Variants in RALGAPA1 observed in about 807,000 individuals in gnomAD.
RALGAPA1 encodes the protein ral GTPase-activating protein subunit alpha-1.
In RALGAPA1, 52 loss-of-function variants were observed where a neutral mutation model predicts 269.6. The observed-to-expected ratio is 0.19, with a 90% confidence interval of 0.15 to 0.24. RALGAPA1 has a LOEUF of 0.24. Among genes scored for constraint, RALGAPA1 ranks in the 10% least tolerant of loss-of-function variants. RALGAPA1 has a pLI of 1.00. For synonymous variants in RALGAPA1, 817 were observed against 1,008.3 expected, an observed-to-expected ratio of 0.81 and a Z score of 3.60; for missense variants, 1,917 against 3,013.9, an observed-to-expected ratio of 0.64 and a Z score of 8.52.
Position 35,742,406 on chromosome 14 carries a change from G to C in RALGAPA1, c.1411C>G (p.His471Asp), listed in dbSNP as rs781173427. The C allele has an allele frequency of 5.4e-5, 87 of 1,602,514 alleles. No individual in the cohort carries two copies. Among genetic ancestry groups the C allele is most frequent in the Admixed American group, 8.5e-5 (5 of 58,800 alleles). The change falls in exon 11 of 42, where the codon CAT (histidine) becomes GAT (aspartate). Residue 471 changes from histidine to aspartate, a missense_variant. Around this residue, in one of 11 missense-constraint regions of RALGAPA1, gnomAD observed 462 missense variants for 725.6 expected, o/e 0.64. Coordinates refer to ENST00000680220, the MANE Select transcript of RALGAPA1 (RefSeq NM_001346249.2). ...TCTCCTTCTTCCATTGAAATATCAT[G>C]GTCTGTGACATTTTCAATGCAAGGG... ...DLPCIENVTD[H>D]DISMEEGEKR...
At chr14:35,623,427 C>G (rs1006218584) in intron 35 of RALGAPA1, among the ~76,000 whole-genome samples, 1 of 151,602 alleles carries the variant, frequency 6.6e-6, no homozygotes, top group Non-Finnish European at 1.5e-5. Flanking sequence ...AGAAAAAGAA[C>G]ACCAACAGAG....
chr14:35,626,963 A>G, intron 34 of RALGAPA1, 127 bp downstream of exon 34: 1 of 966,358 alleles, frequency 1.0e-6, no homozygotes, highest in South Asian at 3.1e-5. Flanking sequence ...TCTGCAAAAA[A>G]ATGAGTCAAA....
chr14:35,770,453 A>C (rs2074527094), intron 4 of RALGAPA1, among the ~76,000 whole-genome samples: 1 of 152,148 alleles, frequency 6.6e-6, no homozygotes, highest in Non-Finnish European at 1.5e-5. Context: ...AATCAAAGGC[A>C]TCTGATTAAA....
chr14:35,622,323 T>C (rs2060685543), intron 35 of RALGAPA1, among the ~76,000 whole-genome samples: 1 of 152,056 alleles, frequency 6.6e-6, no homozygotes, highest in Non-Finnish European at 1.5e-5. Flanking sequence ...ATGAGATCAC[T>C]TGGACATAGG....
intron 37 of RALGAPA1, among the ~76,000 whole-genome samples, chr14:35,587,254 G>A (rs1465998558): frequency 6.6e-6 from 1 of 152,142 alleles, no homozygotes; most frequent in Admixed American, 6.6e-5. Context: ...TTGCGTAGAG[G>A]TGTTTATAGT....
chr14:35,629,256 A>T (rs182843901), intron 33 of RALGAPA1, among the ~76,000 whole-genome samples: 1 of 150,418 alleles, frequency 6.6e-6, no homozygotes, highest in East Asian at 2.0e-4. Context: ...AAGAAGCATT[A>T]GTCATTCATG....
chr14:35,649,206 C>A (rs2062655985), intron 31 of RALGAPA1, among the ~76,000 whole-genome samples: 1 of 152,204 alleles, frequency 6.6e-6, no homozygotes, highest in African/African-American at 2.4e-5. Flanking sequence ...CTGCTCTTTC[C>A]TGTATTCCTC....
In RALGAPA1 at chr14:35,655,750, GA is replaced by G. The variant is rs1350768805; in HGVS notation, c.5496+56del. 57 of 1,565,276 alleles carry G rather than the reference GA, an allele frequency of 3.6e-5. No individual in the cohort carries two copies. The East Asian group carries it at 5.0e-4, about 14-fold the overall frequency. The stretch of plus-strand genomic sequence containing the variant: ...ACACAAGATACCATTAATATTTGGA[GA>G]AAAAAATATGCATTCTCTCCTATCT... On this transcript the variant is annotated intron_variant, in intron 29 of 41. Transcript: ENST00000680220.
chr14:35,777,914 T>C (rs970088732), intron 1 of RALGAPA1, among the ~76,000 whole-genome samples: 1 of 152,130 alleles, frequency 6.6e-6, no homozygotes, highest in African/African-American at 2.4e-5. Context: ...AAAGAAACCA[T>C]TGTAAATAAA....
At chr14:35,623,875 C>T (rs560399207) in intron 35 of RALGAPA1, among the ~76,000 whole-genome samples, 32 of 152,188 alleles carry the variant, frequency 2.1e-4, no homozygotes, top group Admixed American at 1.4e-3. Flanking sequence ...GTCAGGCGAT[C>T]GAGACCATTC....
chr14:35,634,480 A>G (rs1047501583), intron 33 of RALGAPA1, 94 bp downstream of exon 33: 34 of 979,674 alleles, frequency 3.5e-5, no homozygotes, highest in Middle Eastern at 3.6e-4. Context: ...AAAGTAAGAC[A>G]TACTCTCCTT....
At chr14:35,731,410 T>C (rs1443009639) in intron 12 of RALGAPA1, among the ~76,000 whole-genome samples, 2 of 151,586 alleles carry the variant, frequency 1.3e-5, no homozygotes, top group Non-Finnish European at 2.9e-5. Context: ...GAAAAAGAAT[T>C]CAGGAGGTTA....
At chr14:35,791,132 C>A (rs2076139959) in intron 1 of RALGAPA1, among the ~76,000 whole-genome samples, 4 of 152,054 alleles carry the variant, frequency 2.6e-5, no homozygotes, top group Admixed American at 2.0e-4. Flanking sequence ...CAGATGGGTG[C>A]TGAAGTATAA....
At chr14:35,654,224 T>C in intron 30 of RALGAPA1, 143 bp downstream of exon 30, 1 of 821,770 alleles carries the variant, frequency 1.2e-6, no homozygotes, top group South Asian at 2.6e-5. Context: ...TCATGAACTT[T>C]GATACCACAA....
chr14:35,618,831 C>G (rs529172516), intron 35 of RALGAPA1, among the ~76,000 whole-genome samples: 58 of 152,048 alleles, frequency 3.8e-4, no homozygotes, highest in African/African-American at 1.2e-3. Flanking sequence ...ATCAATAAAA[C>G]AATAAAACAC....
At chr14:35,682,539 C>T (rs912257375) in intron 21 of RALGAPA1, among the ~76,000 whole-genome samples, 1 of 152,090 alleles carries the variant, frequency 6.6e-6, no homozygotes, top group Non-Finnish European at 1.5e-5. Context: ...ATCTCCTGAC[C>T]TTGTGATCTG....
At chr14:35,739,640 T>C (rs375887839) in intron 11 of RALGAPA1, among the ~76,000 whole-genome samples, 17 of 152,282 alleles carry the variant, frequency 1.1e-4, no homozygotes, top group East Asian at 9.7e-4. Flanking sequence ...ACTACTCTGG[T>C]TGCAAAAGAA....
rs144137951 is a variant in RALGAPA1, at chr14:35,543,961, A to G, written c.*24-4271T>C. ...CTGGCCAGGAAATAACATAATTTAA[A>G]ATAGTAGAGAAATAAAGGCAAACAT... is the stretch of plus-strand genomic sequence containing the variant. On this transcript the variant is annotated intron_variant, in intron 41 of 41. Transcript: ENST00000680220. 2.6e-3 allele frequency among the ~76,000 whole-genome samples: 392 copies of G among 152,344 alleles called. 1 individual carries two copies. Among genetic ancestry groups the G allele is most frequent in the African/African-American group, 8.4e-3 (348 of 41,572 alleles).
chr14:35,664,278 A>G (rs191615036), intron 27 of RALGAPA1, among the ~76,000 whole-genome samples: 2 of 152,178 alleles, frequency 1.3e-5, no homozygotes, highest in African/African-American at 2.4e-5. Flanking sequence ...ACACTGAGAA[A>G]CTGGGAGAAG....
Sources: gnomAD v4.1 joint callset for allele counts (sites outside exome capture counted in the v4.1 genomes callset) on GRCh38, gnomAD v4.1.1 for gene constraint, gnomAD v4.1.1 regional missense constraint, MANE v1.5 for transcripts, NCBI Gene and HGNC (gene_info 2026-07-23, HGNC 2026-07-21) for gene names.